VDAC1: variants seen among roughly 807,000 people sequenced by gnomAD.
VDAC1 encodes voltage dependent anion channel 1, also known as non-selective voltage-gated ion channel VDAC1.
In VDAC1, 10 loss-of-function variants were observed where a neutral mutation model predicts 34.7. The observed-to-expected ratio is 0.29, with a 90% CI of 0.18 to 0.49. The LOEUF (loss-of-function observed/expected upper bound fraction) is 0.49. Ranked by LOEUF, VDAC1 falls within the 20% of genes least tolerant of loss-of-function variation. VDAC1 has a pLI of 0.99. For synonymous variants in VDAC1, 130 were observed against 136.0 expected (o/e 0.96, Z 0.30); for missense variants, 230 against 347.9 (o/e 0.66, Z 2.69).
At chr5:133,992,846 C>A in intron 2 of VDAC1, 100 bp downstream of exon 2, 1 of 1,161,618 alleles carries the variant, frequency 8.6e-7, no homozygotes, top group Non-Finnish European at 1.2e-6. Context: ...AAGTTCAGAA[C>A]AGCTGACCTA....
At chr5:134,045,772 C>T in the VDAC1 span, among the ~76,000 whole-genome samples, 2 of 151,866 alleles carry the variant, frequency 1.3e-5, no homozygotes, top group Non-Finnish European at 2.9e-5. Context: ...GCCTCCTCTG[C>T]TTCCCAGGTT....
chr5:134,074,062 C>T, the VDAC1 span, among the ~76,000 whole-genome samples: 1 of 152,068 alleles, frequency 6.6e-6, no homozygotes, highest in African/African-American at 2.4e-5. Context: ...CCTGTAATCC[C>T]AGCACTTTGG....
chr5:134,098,335 T>G, the VDAC1 span, among the ~76,000 whole-genome samples: 2 of 145,158 alleles, frequency 1.4e-5, no homozygotes, highest in Non-Finnish European at 1.5e-5. Context: ...ATAGCTGGGA[T>G]TACAGGCACC....
At chr5:134,008,602 A>G (rs1202211447), upstream of VDAC1, among the ~76,000 whole-genome samples, 1 of 152,174 alleles carries the variant, frequency 6.6e-6, no homozygotes, top group Non-Finnish European at 1.5e-5. Flanking sequence ...TCATAAACCT[A>G]TTCCACCCCC....
the VDAC1 span, among the ~76,000 whole-genome samples, chr5:134,067,651 C>CGGAGAGGGGGAGGGGGAGGGCGAGGGA: frequency 8.9e-5 from 1 of 11,184 alleles, no homozygotes; most frequent in South Asian, 3.5e-3. Context: ...GAAGGGGAGG[C>CGGAGAGGGGGAGGGGGAGGGCGAGGGA]GGTGAGGGGG....
chr5:134,002,588 C>A (rs886232466), intron 1 of VDAC1, among the ~76,000 whole-genome samples: 43 of 152,232 alleles, frequency 2.8e-4, no homozygotes, highest in Non-Finnish European at 7.3e-5. Context: ...AGAGACTATA[C>A]ATACTGTTAC....
chr5:133,974,834 TC>T (rs1752413427), intron 7 of VDAC1, among the ~76,000 whole-genome samples: 1 of 152,158 alleles, frequency 6.6e-6, no homozygotes. Context: ...GTGCCTGTGT[TC>T]CCAGCTACAT....
chr5:134,046,764 G>GC, the VDAC1 span, among the ~76,000 whole-genome samples: 1 of 152,176 alleles, frequency 6.6e-6, no homozygotes. Flanking sequence ...CCTAAAAAAT[G>GC]TTGTACACAG....
the VDAC1 span, among the ~76,000 whole-genome samples, chr5:134,018,934 C>T: frequency 1.1e-4 from 17 of 152,154 alleles, no homozygotes; most frequent in East Asian, 2.3e-3. Context: ...GCATCATCAC[C>T]GGGAGGACTG....
At chr5:134,063,333 A>G in the VDAC1 span, among the ~76,000 whole-genome samples, 1 of 152,130 alleles carries the variant, frequency 6.6e-6, no homozygotes, top group African/African-American at 2.4e-5. Flanking sequence ...GGGAGGGTTG[A>G]TTTATATGTT....
the VDAC1 span, among the ~76,000 whole-genome samples, chr5:134,090,960 C>T: frequency 3.0e-4 from 46 of 152,350 alleles, no homozygotes; most frequent in African/African-American, 8.2e-4. Context: ...AGACTTCATA[C>T]AGCTGGTCCT....
chr5:134,028,277 G>C, the VDAC1 span, among the ~76,000 whole-genome samples: 1 of 150,800 alleles, frequency 6.6e-6, no homozygotes, highest in Non-Finnish European at 1.5e-5. Context: ...GGAGTACAGG[G>C]ACCCGCCACC....
chr5:133,988,772 C>CAAA (rs35793271), intron 5 of VDAC1: 2 of 128,274 alleles, frequency 1.6e-5, no homozygotes, highest in Non-Finnish European at 1.7e-5. Context: ...CCCCTCAACC[C>CAAA]AAAAAAAAAA....
intron 1 of VDAC1, among the ~76,000 whole-genome samples, chr5:133,998,496 C>CG (rs1753419240): frequency 6.6e-6 from 1 of 152,128 alleles, no homozygotes; most frequent in South Asian, 2.1e-4. Context: ...GATCGTGCCA[C>CG]TGCACTCCAG....
the VDAC1 span, among the ~76,000 whole-genome samples, chr5:134,012,667 A>G: frequency 6.6e-6 from 1 of 152,220 alleles, no homozygotes; most frequent in South Asian, 2.1e-4. Context: ...CATACTGCCA[A>G]AAGCAATCTG....
chr5:134,027,986 C>T, the VDAC1 span, among the ~76,000 whole-genome samples: 2 of 151,216 alleles, frequency 1.3e-5, no homozygotes, highest in Non-Finnish European at 2.9e-5. Flanking sequence ...GACCAGGCTG[C>T]TCTCAAACTC....
chr5:134,021,557 TAAA>T, the VDAC1 span, among the ~76,000 whole-genome samples: 1 of 142,406 alleles, frequency 7.0e-6, no homozygotes. Context: ...GACCTTGTCT[TAAA>T]AAAAAAAAAA....
the VDAC1 span, among the ~76,000 whole-genome samples, chr5:134,083,706 A>G: frequency 1.3e-3 from 202 of 152,344 alleles, 1 homozygote; most frequent in East Asian, 0.022. Flanking sequence ...ACTTACCAAA[A>G]GCAACTATGT....
the VDAC1 span, among the ~76,000 whole-genome samples, chr5:134,055,512 C>G: frequency 6.6e-6 from 1 of 151,084 alleles, no homozygotes. Context: ...CTCCGCCACC[C>G]GGGTTCTTGT....
Sources: allele counts gnomAD v4.1 joint callset (sites outside exome capture counted in the v4.1 genomes callset), GRCh38; gene constraint gnomAD v4.1.1; transcripts MANE v1.5; gene names NCBI Gene and HGNC (gene_info 2026-07-23, HGNC 2026-07-21).